The following RAPGEF2 variants were observed in gnomAD, a reference collection of about 807,000 sequenced individuals.
The protein encoded by RAPGEF2 is Rap guanine nucleotide exchange factor 2.
A neutral mutation model predicts 186.7 loss-of-function variants in RAPGEF2; 54 were observed. That is an observed-to-expected ratio of 0.29 (90% CI 0.23 to 0.36). The LOEUF is 0.36. Ranked by LOEUF, RAPGEF2 falls within the 10% of genes least tolerant of loss-of-function variation. The probability of loss-of-function intolerance (pLI) is 1.00; values close to 1 mark genes in which losing one functional copy is unlikely to be tolerated. For missense variants in RAPGEF2, 1,532 were observed against 2,045.0 expected, an observed-to-expected ratio of 0.75 and a Z score of 4.84; for synonymous variants, 712 against 705.9, an observed-to-expected ratio of 1.01 and a Z score of -0.14.
intron 4 of RAPGEF2, among the ~76,000 whole-genome samples, chr4:159,223,569 A>C (rs1441068777): frequency 6.6e-6 from 1 of 152,244 alleles, no homozygotes; most frequent in Non-Finnish European, 1.5e-5. Context: ...TTTAGAAAAC[A>C]GTCATTAGGC....
intron 1 of RAPGEF2, among the ~76,000 whole-genome samples, chr4:159,160,552 G>C (rs568298761): frequency 6.6e-6 from 1 of 152,238 alleles, no homozygotes; most frequent in Non-Finnish European, 1.5e-5. Flanking sequence ...GCAAACTTCA[G>C]TAGCAATTTG....
In RAPGEF2 at chr4:159,354,006, C is replaced by G. The variant is rs149015491; in HGVS notation, c.4611C>G (p.Ala1537=). The stretch of plus-strand genomic sequence containing the variant: ...AAACCAAGCCTGTCCCCATGCCTGC[C>G]CACATAGCTGTGGCATCAAGTACTA... ...TEETKPVPMP[A]HIAVASSTTK... The change falls in exon 28 of 30, where the codon GCC becomes GCG. Residue 1537 remains alanine (A), a synonymous_variant. Transcript: ENST00000691494. The G allele has an allele frequency of 2.2e-5, 35 of 1,606,480 alleles. No homozygotes were observed. The highest frequency in any genetic ancestry group is 2.8e-5 in the Non-Finnish European group (33 of 1,177,440).
intron 3 of RAPGEF2, among the ~76,000 whole-genome samples, chr4:159,201,584 G>A (rs1273037135): frequency 6.6e-6 from 1 of 152,132 alleles, no homozygotes; most frequent in South Asian, 2.1e-4. Context: ...ACAAGTCTAA[G>A]CTGGCCAGAA....
chr4:159,243,803 T>A lies in RAPGEF2; in HGVS notation c.543+12T>A. 4 of 1,276,974 alleles carry A rather than the reference T, an allele frequency of 3.1e-6. No individual in the cohort carries two copies. The highest frequency in any genetic ancestry group is 4.1e-6 in the Non-Finnish European group (4 of 977,300). The allele number at this position is 1,276,974 out of a possible 1,614,324, so 79.1% of individuals were successfully genotyped here. A position where few individuals can be genotyped will look rare whatever the true frequency, so the allele number is the denominator to read the frequency against. ...GCACTAAATCTCAGGTATTGTAATTTGTGTGTGGTCTTCTGACACTAACCT... is the reference window on the plus strand; with the variant it reads ...GCACTAAATCTCAGGTATTGTAATTAGTGTGTGGTCTTCTGACACTAACCT... On this transcript the variant is annotated intron_variant, in intron 7 of 29. Transcript: ENST00000691494.
intron 1 of RAPGEF2, among the ~76,000 whole-genome samples, chr4:159,125,441 C>A (rs1740179678): frequency 6.6e-6 from 1 of 151,946 alleles, no homozygotes; most frequent in South Asian, 2.1e-4. Flanking sequence ...GCTGCTACTT[C>A]TTGGAAACCA....
At chr4:159,236,147 G>A (rs1203657985) in intron 4 of RAPGEF2, among the ~76,000 whole-genome samples, 2 of 152,218 alleles carry the variant, frequency 1.3e-5, no homozygotes. Context: ...ATCTGATGGA[G>A]AGTCTGCAGT....
At chr4:159,105,512 A>G (rs1737776568) in intron 1 of RAPGEF2, among the ~76,000 whole-genome samples, 1 of 152,324 alleles carries the variant, frequency 6.6e-6, no homozygotes, top group Non-Finnish European at 1.5e-5. Flanking sequence ...GATCATGGAT[A>G]GATTGCACAT....
intron 2 of RAPGEF2, among the ~76,000 whole-genome samples, chr4:159,189,706 A>G (rs1311763738): frequency 6.6e-6 from 1 of 152,212 alleles, no homozygotes; most frequent in African/African-American, 2.4e-5. Context: ...TTCAGCTAAA[A>G]CATTGTCTAA....
At chr4:159,137,194 G>A (rs1741809497) in intron 1 of RAPGEF2, among the ~76,000 whole-genome samples, 1 of 152,162 alleles carries the variant, frequency 6.6e-6, no homozygotes, top group African/African-American at 2.4e-5. Flanking sequence ...ACCATAGACA[G>A]GGTGGCTTAA....
intron 1 of RAPGEF2, among the ~76,000 whole-genome samples, chr4:159,126,527 GT>G (rs35340164): frequency 1.3e-5 from 2 of 148,566 alleles, no homozygotes; most frequent in African/African-American, 2.5e-5. Flanking sequence ...TCCTGTCCAG[GT>G]TTTAAAAAAA....
At chr4:159,141,634 A>G (rs1193529871) in intron 1 of RAPGEF2, among the ~76,000 whole-genome samples, 3 of 152,056 alleles carry the variant, frequency 2.0e-5, no homozygotes, top group Non-Finnish European at 4.4e-5. Flanking sequence ...ATATTGCCAA[A>G]TGGCTCATTG....
intron 7 of RAPGEF2, among the ~76,000 whole-genome samples, chr4:159,256,651 T>C (rs1020339383): frequency 6.6e-6 from 1 of 152,264 alleles, no homozygotes; most frequent in Non-Finnish European, 1.5e-5. Context: ...TGAACTAATT[T>C]ATACTCCCAC....
At chr4:159,268,026 G>A (rs1757637896) in intron 7 of RAPGEF2, 2 of 1,452,582 alleles carry the variant, frequency 1.4e-6, no homozygotes, top group Non-Finnish European at 1.8e-6. Context: ...ACTTTAAGCT[G>A]CAGCTTGGTT....
At chr4:159,107,583 C>T (rs369208093) in intron 1 of RAPGEF2, among the ~76,000 whole-genome samples, 6 of 152,118 alleles carry the variant, frequency 3.9e-5, no homozygotes, top group South Asian at 2.1e-4. Context: ...AAATAACCCC[C>T]ACCCCATCTC....
chr4:159,351,789 CAA>C (rs145718172), intron 26 of RAPGEF2, among the ~76,000 whole-genome samples: 1 of 141,400 alleles, frequency 7.1e-6, no homozygotes, highest in African/African-American at 2.6e-5. Context: ...AGTAAAAATA[CAA>C]AAAAAAAAAA....
At chr4:159,143,596 T>A (rs1742587980) in intron 1 of RAPGEF2, among the ~76,000 whole-genome samples, 1 of 152,158 alleles carries the variant, frequency 6.6e-6, no homozygotes, top group Non-Finnish European at 1.5e-5. Context: ...AGAACTTGGG[T>A]CAAATGTAAT....
chr4:159,310,883 C>G (rs1182073313), intron 8 of RAPGEF2, among the ~76,000 whole-genome samples: 1 of 152,006 alleles, frequency 6.6e-6, no homozygotes, highest in Admixed American at 6.6e-5. Context: ...TTGGAGGAAG[C>G]TAGAAAACAA....
intron 4 of RAPGEF2, among the ~76,000 whole-genome samples, chr4:159,228,680 G>A (rs1014292811): frequency 6.6e-6 from 1 of 152,044 alleles, no homozygotes; most frequent in Non-Finnish European, 1.5e-5. Flanking sequence ...AATAGAAGCC[G>A]GTTAAAGTCC....
intron 2 of RAPGEF2, among the ~76,000 whole-genome samples, chr4:159,189,967 C>T (rs946147449): frequency 1.7e-4 from 26 of 152,074 alleles, no homozygotes; most frequent in African/African-American, 6.3e-4. Context: ...ATATTTGGAT[C>T]AATGTTACTT....
Sources: gnomAD v4.1 joint callset for allele counts (sites outside exome capture counted in the v4.1 genomes callset) on GRCh38, gnomAD v4.1.1 for gene constraint, MANE v1.5 for transcripts, NCBI Gene and HGNC (gene_info 2026-07-23, HGNC 2026-07-21) for gene names.